The following SYN3 variants were observed in gnomAD, a reference collection of about 807,000 sequenced individuals.
SYN3 encodes synapsin-3.
SYN3 carries 35 observed loss-of-function variants against 65.8 expected under a neutral mutation model. That is an observed-to-expected ratio of 0.53 (90% confidence interval 0.41 to 0.70). The LOEUF (loss-of-function observed/expected upper bound fraction) is 0.70, where lower values mean the gene tolerates loss of function less well. Ranked by LOEUF, SYN3 falls within the 30% of genes least tolerant of loss-of-function variation. SYN3 has a pLI of 0.00. For missense variants in SYN3, 680 were observed against 749.0 expected, an observed-to-expected ratio of 0.91 and a Z score of 1.08; for synonymous variants, 270 against 292.9, an observed-to-expected ratio of 0.92 and a Z score of 0.80.
At chr22:32,567,087 CCA>C (rs67043162) in intron 7 of SYN3, among the ~76,000 whole-genome samples, 28 of 152,160 alleles carry the variant, frequency 1.8e-4, no homozygotes, top group African/African-American at 6.3e-4. Context: ...TCTGGAAATG[CCA>C]CAGTGAGACT....
At position 32,869,330 on chromosome 22, in the gene SYN3, T is replaced by TTC. The variant is rs59752570; in HGVS notation, c.462-207_462-206dup. On this transcript the variant is annotated intron_variant, in intron 4 of 13. Coordinates refer to ENST00000358763, the MANE Select transcript of SYN3 (RefSeq NM_003490.4). The stretch of plus-strand genomic sequence containing the variant: ...CAAAGGGCTGGAAACACTATATATA[T>TTC]TCTCTCTCTCTCTCTCTCTCTCTCT... Among the ~76,000 whole-genome samples, 679 of 121,030 alleles carry TTC rather than the reference T, an allele frequency of 5.6e-3. 8 individuals carry two copies. The highest frequency in any genetic ancestry group is 0.017 in the South Asian group (52 of 3,044). The allele number at this position is 121,030 out of a possible 152,430, so 79.4% of individuals were successfully genotyped here. A position where few individuals can be genotyped will look rare whatever the true frequency, so the allele number is the denominator to read the frequency against.
chr22:32,666,266 G>C (rs755991578), intron 6 of SYN3, among the ~76,000 whole-genome samples: 336 of 152,234 alleles, frequency 2.2e-3, no homozygotes, highest in Middle Eastern at 6.8e-3. Context: ...CCACATGTCG[G>C]AGTGTGTCAC....
At chr22:32,715,778 C>CA (rs765122891) in intron 6 of SYN3, among the ~76,000 whole-genome samples, 3,933 of 66,358 alleles carry the variant, frequency 0.059, 141 homozygotes, top group Non-Finnish European at 0.069. Context: ...GACTCTGTCT[C>CA]AAAAAAAAAA....
intron 6 of SYN3, among the ~76,000 whole-genome samples, chr22:32,732,436 C>T (rs1281060379): frequency 6.6e-6 from 1 of 152,202 alleles, no homozygotes; most frequent in African/African-American, 2.4e-5. Flanking sequence ...CAACCCTTTC[C>T]ACTACCTTCA....
chr22:32,579,210 C>G (rs1226931374), intron 7 of SYN3, among the ~76,000 whole-genome samples: 2 of 152,290 alleles, frequency 1.3e-5, no homozygotes, highest in East Asian at 3.9e-4. Flanking sequence ...TCCTTAACTC[C>G]AAACAGCTTG....
In SYN3 at chr22:32,520,881, T is replaced by C. The variant is rs2057869122; in HGVS notation, c.1319-2547A>G. Among the ~76,000 whole-genome samples the C allele has an allele frequency of 2.0e-5, 3 of 152,232 alleles. No individual in the cohort carries two copies. In the South Asian group the frequency reaches 6.2e-4, roughly 32 times the overall value. On this transcript the variant is annotated intron_variant, in intron 12 of 13. Transcript: ENST00000358763. ...GACCGTGGGTAAGTCACTCCCCTTC[T>C]CTGGGCTTCTGGGCCCTCATTTGTA...
intron 6 of SYN3, among the ~76,000 whole-genome samples, chr22:32,768,748 T>C (rs1005537843): frequency 8.5e-5 from 13 of 152,202 alleles, no homozygotes; most frequent in Non-Finnish European, 1.2e-4. Context: ...CCTGAGCCCA[T>C]TCATTCTCCT....
At chr22:32,617,929 A>G (rs1357526773) in intron 6 of SYN3, among the ~76,000 whole-genome samples, 3 of 151,986 alleles carry the variant, frequency 2.0e-5, no homozygotes, top group Non-Finnish European at 4.4e-5. Flanking sequence ...TATCTGCCTT[A>G]GTAGTAGGCA....
chr22:32,621,297 C>CTT (rs58499520), intron 6 of SYN3, among the ~76,000 whole-genome samples: 10,709 of 140,892 alleles, frequency 0.076, 566 homozygotes, highest in South Asian at 0.2. Context: ...TAACTTTTGC[C>CTT]TTTTTTTTTT....
In SYN3 at chr22:32,801,936, C is replaced by G. The variant is rs933592699; in HGVS notation, c.711+62979G>C. On this transcript the variant is annotated intron_variant, in intron 6 of 13. Transcript: ENST00000358763. The surrounding 1 kb of genome is among the most constrained non-coding windows in gnomAD (Gnocchi z 4.7). ...GCGAGCTCGGGCTGCAGCAGCCCCG[C>G]CGGCGGCGCGCACGGCAACTTTGGA... 6.6e-6 allele frequency: 10 copies of G among 1,520,638 alleles called. No individual in the cohort carries two copies. Among genetic ancestry groups the G allele is most frequent in the Non-Finnish European group, 8.8e-6 (10 of 1,141,638 alleles). 94.2% of individuals were successfully genotyped at this position (1,520,638 alleles called of 1,614,324 possible).
chr22:32,598,982 T>C (rs1433670262), intron 6 of SYN3, among the ~76,000 whole-genome samples: 1 of 152,182 alleles, frequency 6.6e-6, no homozygotes, highest in Non-Finnish European at 1.5e-5. Context: ...TTGATATATA[T>C]ATCAATTACC....
At chr22:32,779,758 C>A (rs529600627) in intron 6 of SYN3, among the ~76,000 whole-genome samples, 1 of 152,166 alleles carries the variant, frequency 6.6e-6, no homozygotes, top group African/African-American at 2.4e-5. Flanking sequence ...AAAACAGGAC[C>A]TTACGTACTT....
At position 32,890,450 on chromosome 22, in the gene SYN3, G is replaced by A. The variant is rs570291276; in HGVS notation, c.462-21325C>T. On this transcript the variant is annotated intron_variant, in intron 4 of 13. Coordinates refer to ENST00000358763, the MANE Select transcript of SYN3 (RefSeq NM_003490.4). ...GGCTGGAGTGCAGTGGCATGATCTT[G>A]GCTCATTGCAAGCTCCGCCTCCCGG... Among the ~76,000 whole-genome samples, 205 of 151,718 alleles carry A rather than the reference G, an allele frequency of 1.4e-3. 1 individual carries two copies. The highest frequency in any genetic ancestry group is 4.8e-3 in the African/African-American group (199 of 41,364).
chr22:32,834,902 A>C (rs2047684865), intron 6 of SYN3, among the ~76,000 whole-genome samples: 1 of 152,164 alleles, frequency 6.6e-6, no homozygotes, highest in African/African-American at 2.4e-5. Flanking sequence ...TATATCTGTC[A>C]CCCAGGGAAC....
chr22:32,998,923 C>T (rs1443412779), intron 2 of SYN3, among the ~76,000 whole-genome samples: 3 of 152,032 alleles, frequency 2.0e-5, no homozygotes, highest in Admixed American at 1.3e-4. Flanking sequence ...GAAACTCCTC[C>T]ACCGTGTGTT....
intron 4 of SYN3, among the ~76,000 whole-genome samples, chr22:32,928,167 A>G (rs932657382): frequency 4.6e-5 from 7 of 152,086 alleles, no homozygotes; most frequent in Admixed American, 4.6e-4. Flanking sequence ...CGTCTGTACT[A>G]AAAATACAAA....
intron 7 of SYN3, among the ~76,000 whole-genome samples, chr22:32,560,698 G>A (rs945995564): frequency 1.3e-5 from 2 of 152,094 alleles, no homozygotes; most frequent in African/African-American, 4.8e-5. Context: ...AACGACTTTC[G>A]TTTTTACTGC....
At chr22:32,574,929 A>G (rs2058830528) in intron 7 of SYN3, among the ~76,000 whole-genome samples, 1 of 152,234 alleles carries the variant, frequency 6.6e-6, no homozygotes, top group African/African-American at 2.4e-5. Flanking sequence ...GCTCTATGAG[A>G]GTAGGGACTT....
chr22:32,959,010 T>C (rs542604459), intron 3 of SYN3, among the ~76,000 whole-genome samples: 1 of 152,020 alleles, frequency 6.6e-6, no homozygotes, highest in Non-Finnish European at 1.5e-5. Flanking sequence ...CTGGCCAACA[T>C]GGTGAAACCC....
Sources: allele counts gnomAD v4.1 joint callset (sites outside exome capture counted in the v4.1 genomes callset), GRCh38; gene constraint gnomAD v4.1.1; non-coding constraint Gnocchi (gnomAD v3.1); transcripts MANE v1.5; gene names NCBI Gene and HGNC (gene_info 2026-07-23, HGNC 2026-07-21).